The following PPP1R21 variants were observed in gnomAD, a reference collection of about 807,000 sequenced individuals.
PPP1R21 encodes KLRAQ motif containing 1.
Under a neutral mutation model 112.8 loss-of-function variants are expected in PPP1R21, and 85 were observed. The observed-to-expected ratio is 0.75, with a 90% confidence interval of 0.63 to 0.90. The LOEUF (loss-of-function observed/expected upper bound fraction) is 0.90, where lower values mean the gene tolerates loss of function less well. Among genes scored for constraint, PPP1R21 ranks in the 40% least tolerant of loss-of-function variants. The probability of loss-of-function intolerance (pLI) is 0.00; values close to 1 mark genes in which losing one functional copy is unlikely to be tolerated. For missense variants in PPP1R21, 1,199 were observed against 901.5 expected (o/e 1.33, Z -4.23); for synonymous variants, 381 against 322.3 (o/e 1.18, Z -1.95).
intron 17 of PPP1R21, among the ~76,000 whole-genome samples, chr2:48,502,974 C>G (rs898512499): frequency 6.6e-6 from 1 of 152,012 alleles, no homozygotes; most frequent in Non-Finnish European, 1.5e-5. Context: ...GCTGCCGCGC[C>G]CAGCCTAGAA....
chr2:48,470,153 A>ATT (rs1220327538), intron 9 of PPP1R21, among the ~76,000 whole-genome samples: 1 of 152,138 alleles, frequency 6.6e-6, no homozygotes, highest in Non-Finnish European at 1.5e-5. Context: ...TGCCTATAGG[A>ATT]TTTTTTTCTG....
chr2:48,470,767 G>A (rs1247122572), intron 9 of PPP1R21, among the ~76,000 whole-genome samples: 1 of 152,120 alleles, frequency 6.6e-6, no homozygotes, highest in African/African-American at 2.4e-5. Context: ...GTTGGTCCTA[G>A]GTTCTAATGC....
intron 15 of PPP1R21, among the ~76,000 whole-genome samples, chr2:48,492,731 G>A (rs947390162): frequency 6.6e-6 from 1 of 152,176 alleles, no homozygotes; most frequent in Non-Finnish European, 1.5e-5. Flanking sequence ...CGGTATAAAA[G>A]CTACCTATCT....
At chr2:48,468,242 G>T (rs1668290116) in intron 9 of PPP1R21, among the ~76,000 whole-genome samples, 1 of 152,184 alleles carries the variant, frequency 6.6e-6, no homozygotes, top group South Asian at 2.1e-4. Context: ...ACTAAAAACA[G>T]TGCGTGGCAT....
intron 13 of PPP1R21, among the ~76,000 whole-genome samples, chr2:48,482,376 C>T (rs141038126): frequency 3.5e-4 from 53 of 152,162 alleles, no homozygotes; most frequent in African/African-American, 1.2e-3. Flanking sequence ...AGTCATAAGA[C>T]GGGAAGGTCT....
At chr2:48,494,985 G>C (rs1045471507) in intron 15 of PPP1R21, among the ~76,000 whole-genome samples, 7 of 152,000 alleles carry the variant, frequency 4.6e-5, no homozygotes, top group Admixed American at 1.3e-4. Context: ...AGATTACAGG[G>C]GTGAGCCACC....
intron 1 of PPP1R21, among the ~76,000 whole-genome samples, chr2:48,444,115 G>A (rs1667150684): frequency 1.3e-5 from 2 of 152,166 alleles, no homozygotes; most frequent in Non-Finnish European, 2.9e-5. Context: ...GATAAAAGAT[G>A]AACTGTGGAG....
At chr2:48,490,235 A>G (rs1669501061) in intron 14 of PPP1R21, among the ~76,000 whole-genome samples, 1 of 151,146 alleles carries the variant, frequency 6.6e-6, no homozygotes, top group East Asian at 1.9e-4. Flanking sequence ...AAAAAAAAAA[A>G]AAAAGAAAGA....
chr2:48,463,371 C>T (rs560541083), intron 7 of PPP1R21, among the ~76,000 whole-genome samples: 118 of 152,212 alleles, frequency 7.8e-4, no homozygotes, highest in Non-Finnish European at 1.0e-3. Context: ...GGTGATGTAT[C>T]AAGGCGACTG....
chr2:48,486,342 A>G (rs1347031765), intron 13 of PPP1R21, among the ~76,000 whole-genome samples: 1 of 152,186 alleles, frequency 6.6e-6, no homozygotes, highest in East Asian at 1.9e-4. Flanking sequence ...TTTAACTGGT[A>G]AATACAGGAT....
rs1287068419 is a variant in PPP1R21, at chr2:48,454,584, C to T, written c.127-11C>T. 1 of 1,613,930 alleles carries T rather than the reference C, an allele frequency of 6.2e-7. No homozygotes were observed. Among genetic ancestry groups the T allele is most frequent in the Non-Finnish European group, 8.5e-7 (1 of 1,179,894 alleles). ...AACTGTGAGGACCAATCTGTTTTCA[C>T]TTTGATATAGGAGCAACTGAAAATG... On this transcript the variant is annotated splice_polypyrimidine_tract_variant and intron_variant, in intron 2 of 21. Coordinates refer to ENST00000294952, the MANE Select transcript of PPP1R21 (RefSeq NM_001135629.3).
At chr2:48,513,866 A>G (rs1243044677) in intron 21 of PPP1R21, among the ~76,000 whole-genome samples, 1 of 152,164 alleles carries the variant, frequency 6.6e-6, no homozygotes, top group East Asian at 1.9e-4. Context: ...AAGAATAAAA[A>G]TTATACAAAA....
intron 13 of PPP1R21, among the ~76,000 whole-genome samples, chr2:48,484,345 TTTGA>T: frequency 6.6e-6 from 1 of 152,272 alleles, no homozygotes; most frequent in East Asian, 1.9e-4. Context: ...GTGAGAATTG[TTTGA>T]TCTTTAGTCT....
intron 1 of PPP1R21, among the ~76,000 whole-genome samples, chr2:48,444,509 G>T (rs1667166242): frequency 1.3e-5 from 2 of 152,290 alleles, no homozygotes; most frequent in South Asian, 4.1e-4. Context: ...CTGAGTTCTG[G>T]CTCATTTGAT....
chr2:48,446,576 A>C (rs1031191114), intron 1 of PPP1R21, among the ~76,000 whole-genome samples: 2 of 152,178 alleles, frequency 1.3e-5, no homozygotes, highest in Non-Finnish European at 2.9e-5. Flanking sequence ...ATAATTTATT[A>C]ATTTGATTTG....
chr2:48,465,038 C>T, intron 8 of PPP1R21, 49 bp downstream of exon 8: 4 of 1,427,456 alleles, frequency 2.8e-6, no homozygotes, highest in Non-Finnish European at 3.8e-6. Flanking sequence ...ATACATCAGA[C>T]TTTCCAGAAA....
chr2:48,477,116 ATTTTTTT>A lies in PPP1R21; in HGVS notation c.1225+2315_1225+2321del, dbSNP rs779139882. ...TAGGTTTATGATTAATTTTGAATTAATTTTTTTTTTTTTTTTTTTTTTTTAGACAGAG... is the reference window on the plus strand; with the variant it reads ...TAGGTTTATGATTAATTTTGAATTAATTTTTTTTTTTTTTTTTAGACAGAG... On this transcript the variant is annotated intron_variant, in intron 12 of 21. Transcript: ENST00000294952. Among the ~76,000 whole-genome samples, 122 of 114,772 alleles carry A rather than the reference ATTTTTTT, an allele frequency of 1.1e-3. 1 individual carries two copies. Among genetic ancestry groups the A allele is most frequent in the African/African-American group, 3.6e-3 (114 of 31,832 alleles). 75.3% of individuals were successfully genotyped at this position (114,772 alleles called of 152,430 possible).
At chr2:48,502,243 C>A (rs1162552649) in intron 17 of PPP1R21, among the ~76,000 whole-genome samples, 4 of 152,130 alleles carry the variant, frequency 2.6e-5, no homozygotes. Flanking sequence ...TTTAAATCAA[C>A]TAGTTAGTGT....
At chr2:48,452,911 A>G (rs1007957682) in intron 2 of PPP1R21, among the ~76,000 whole-genome samples, 1 of 151,390 alleles carries the variant, frequency 6.6e-6, no homozygotes, top group African/African-American at 2.4e-5. Flanking sequence ...AGGTAATGTC[A>G]GTAGAGTGTA....
Sources: allele counts gnomAD v4.1 joint callset (sites outside exome capture counted in the v4.1 genomes callset), GRCh38; gene constraint gnomAD v4.1.1; transcripts MANE v1.5; gene names NCBI Gene and HGNC (gene_info 2026-07-23, HGNC 2026-07-21).